SLCO2A1: variants seen among roughly 807,000 people sequenced by gnomAD.
SLCO2A1 encodes matrin F/G 1.
A neutral mutation model predicts 71.7 loss-of-function variants in SLCO2A1; 60 were observed. The observed-to-expected ratio is 0.84, with a 90% CI of 0.68 to 1.04. SLCO2A1 has a LOEUF of 1.04. Among genes scored for constraint, SLCO2A1 ranks in the 50% least tolerant of loss-of-function variants. The pLI is 0.00. For synonymous variants in SLCO2A1, 308 were observed against 326.7 expected (o/e 0.94, Z 0.62); for missense variants, 745 against 813.4 (o/e 0.92, Z 1.02).
intron 2 of SLCO2A1, among the ~76,000 whole-genome samples, chr3:133,978,275 G>A (rs900619428): frequency 2.6e-5 from 4 of 152,210 alleles, no homozygotes; most frequent in African/African-American, 9.6e-5. Context: ...GCAGCCCTCA[G>A]ACAGCCCTGG....
At position 133,951,285 on chromosome 3, in the gene SLCO2A1, G is replaced by T; in HGVS notation, c.784C>A (p.Leu262Ile). The change falls in exon 6 of 14, where the codon CTC becomes ATC. Residue 262 changes from leucine to isoleucine, a missense_variant. By Grantham distance (5) the Leu-to-Ile change is conservative (BLOSUM62 2). Transcript: ENST00000310926. ...AGAACCAATAAAGCTGAAGAAATGA[G>T]CAGGCCTAGCCACCAGGCTCCAATC... is the stretch of plus-strand genomic sequence containing the variant. ...RWIGAWWLGLLISSALLVLTS... is the reference protein window; with the variant it reads ...RWIGAWWLGLIISSALLVLTS... The T allele has an allele frequency of 6.2e-7, 1 of 1,614,150 alleles. No homozygotes were observed. Among genetic ancestry groups the T allele is most frequent in the Non-Finnish European group, 8.5e-7 (1 of 1,180,026 alleles).
chr3:133,947,184 G>A, intron 9 of SLCO2A1, 72 bp downstream of exon 9: 3 of 1,293,228 alleles, frequency 2.3e-6, no homozygotes, highest in East Asian at 2.3e-5. Flanking sequence ...AAGCAGGAAG[G>A]AAGATGTATA....
chr3:133,973,863 C>T lies in SLCO2A1; in HGVS notation c.235-38G>A, dbSNP rs370040538. 13 of 1,585,476 alleles carry T rather than the reference C, an allele frequency of 8.2e-6. No homozygotes were observed. The African/African-American group carries it at 1.3e-4, about 16-fold the overall frequency. On this transcript the variant is annotated intron_variant, in intron 2 of 13. Coordinates refer to ENST00000310926, the MANE Select transcript of SLCO2A1 (RefSeq NM_005630.3). ...CAGAAGGGCTGAGTGAGACAAGAGG[C>T]CCTGTCCTCACCCACCCACAGAGAA...
intron 1 of SLCO2A1, among the ~76,000 whole-genome samples, chr3:133,995,722 A>C (rs1032858508): frequency 1.3e-5 from 2 of 152,242 alleles, no homozygotes; most frequent in Non-Finnish European, 2.9e-5. Flanking sequence ...TGACCAAAGA[A>C]GCAGGGAGTA....
intron 9 of SLCO2A1, 52 bp downstream of exon 9, chr3:133,947,204 T>C: frequency 6.8e-7 from 1 of 1,461,900 alleles, no homozygotes; most frequent in South Asian, 1.2e-5. Flanking sequence ...AACAGCCAGA[T>C]CTAAGCCCTG....
intron 1 of SLCO2A1, among the ~76,000 whole-genome samples, chr3:134,016,032 T>A (rs1935449013): frequency 6.6e-6 from 1 of 151,844 alleles, no homozygotes; most frequent in African/African-American, 2.4e-5. Context: ...TTACATCCAT[T>A]CAATTAACTC....
intron 1 of SLCO2A1, among the ~76,000 whole-genome samples, chr3:133,990,011 A>G (rs528497429): frequency 6.6e-6 from 1 of 152,308 alleles, no homozygotes; most frequent in South Asian, 2.1e-4. Flanking sequence ...TCTAGGAGAG[A>G]AGGTTTCTTG....
At chr3:133,957,849 C>T (rs556414708) in intron 3 of SLCO2A1, among the ~76,000 whole-genome samples, 12 of 152,262 alleles carry the variant, frequency 7.9e-5, no homozygotes, top group African/African-American at 2.9e-4. Flanking sequence ...TTTCCCTTGG[C>T]GTAGAGGCCA....
In SLCO2A1 at chr3:133,934,763, C is replaced by T. The variant is rs758793019; in HGVS notation, c.1882G>A (p.Val628Met). 10 of 1,613,362 alleles carry T rather than the reference C, an allele frequency of 6.2e-6. No homozygotes were observed. In the African/African-American group the frequency reaches 1.3e-4, roughly 22 times the overall value. Residue 628 changes from valine to methionine, a missense_variant, in exon 14 of 14, where the codon GTG becomes ATG. By Grantham distance (21) the Val-to-Met change is conservative. Coordinates refer to ENST00000310926, the MANE Select transcript of SLCO2A1 (RefSeq NM_005630.3). ...ACGTTGTACTCCTTGTTCTTCTTCACCCTCCAGCTGATGAAGCAAAGCAGC... is the reference window on the plus strand; with the variant it reads ...ACGTTGTACTCCTTGTTCTTCTTCATCCTCCAGCTGATGAAGCAAAGCAGC... ...MLLLCFISWR[V>M]KKNKEYNVQK...
intron 1 of SLCO2A1, among the ~76,000 whole-genome samples, chr3:134,023,679 T>G (rs998751121): frequency 1.3e-5 from 2 of 152,230 alleles, no homozygotes; most frequent in African/African-American, 4.8e-5. Flanking sequence ...AGTTAAAGAC[T>G]TAAAACAAAC....
intron 1 of SLCO2A1, among the ~76,000 whole-genome samples, chr3:133,981,395 C>A (rs1380857950): frequency 6.6e-6 from 1 of 152,152 alleles, no homozygotes; most frequent in Non-Finnish European, 1.5e-5. Context: ...CCCTTCTGTG[C>A]CCTGGGTTTT....
chr3:133,989,689 G>C (rs563313634), intron 1 of SLCO2A1, among the ~76,000 whole-genome samples: 2 of 152,208 alleles, frequency 1.3e-5, no homozygotes, highest in African/African-American at 2.4e-5. Context: ...CCCACCACCA[G>C]TACCGCAGGT....
At chr3:134,021,351 A>T (rs1259096763) in intron 1 of SLCO2A1, among the ~76,000 whole-genome samples, 1 of 152,188 alleles carries the variant, frequency 6.6e-6, no homozygotes, top group Non-Finnish European at 1.5e-5. Context: ...TGTAAGATAG[A>T]CTGGCCAGCA....
intron 3 of SLCO2A1, among the ~76,000 whole-genome samples, chr3:133,968,901 T>C (rs1342794385): frequency 6.6e-6 from 1 of 152,246 alleles, no homozygotes; most frequent in Non-Finnish European, 1.5e-5. Context: ...AATCTAAATA[T>C]CCATAAATGT....
intron 1 of SLCO2A1, among the ~76,000 whole-genome samples, chr3:134,001,956 C>A (rs1283078326): frequency 3.3e-5 from 5 of 152,180 alleles, no homozygotes; most frequent in African/African-American, 7.2e-5. Flanking sequence ...ATTGGTCACT[C>A]AGGACATCCA....
intron 1 of SLCO2A1, among the ~76,000 whole-genome samples, chr3:133,990,889 C>A (rs996230142): frequency 6.6e-6 from 1 of 152,076 alleles, no homozygotes; most frequent in African/African-American, 2.4e-5. Flanking sequence ...GCGGGCAGAT[C>A]ACCTGAGGTC....
At chr3:133,947,225 A>AG (rs1163995659) in intron 9 of SLCO2A1, 31 bp downstream of exon 9, 2 of 1,588,378 alleles carry the variant, frequency 1.3e-6, no homozygotes, top group Non-Finnish European at 1.7e-6. Flanking sequence ...GCCTTATTAA[A>AG]GGGGATCTCT....
At chr3:133,976,168 T>A (rs1321478718) in intron 2 of SLCO2A1, among the ~76,000 whole-genome samples, 5 of 152,222 alleles carry the variant, frequency 3.3e-5, no homozygotes, top group Non-Finnish European at 5.9e-5. Flanking sequence ...TGGTTTATGA[T>A]CTACAGAGAA....
intron 1 of SLCO2A1, among the ~76,000 whole-genome samples, chr3:134,006,320 G>T (rs2108072433): frequency 6.6e-6 from 1 of 152,222 alleles, no homozygotes; most frequent in East Asian, 1.9e-4. Flanking sequence ...CCAAAGTGCT[G>T]GGATTACAGG....
Sources: gnomAD v4.1 joint callset for allele counts (sites outside exome capture counted in the v4.1 genomes callset) on GRCh38, gnomAD v4.1.1 for gene constraint, MANE v1.5 for transcripts, NCBI Gene and HGNC (gene_info 2026-07-23, HGNC 2026-07-21) for gene names.